Variants in GATA3 observed in about 807,000 individuals in gnomAD.
GATA3 encodes trans-acting T-cell-specific transcription factor GATA-3.
GATA3 carries 6 observed loss-of-function variants against 36.0 expected under a neutral mutation model. The ratio of observed to expected loss-of-function variants is 0.17; its 90% CI spans 0.09 to 0.33. The LOEUF is 0.33. GATA3 is among the 10% of genes least tolerant of loss of function. The probability of loss-of-function intolerance (pLI) is 1.00; values close to 1 mark genes in which losing one functional copy is unlikely to be tolerated. For synonymous variants in GATA3, 326 were observed against 273.0 expected (o/e 1.19, Z -1.92); for missense variants, 514 against 610.1 (o/e 0.84, Z 1.66).
At chr10:8,052,523 G>C (rs1832523284), upstream of GATA3, 2 of 152,252 alleles carry the variant, frequency 1.3e-5, no homozygotes, top group Non-Finnish European at 2.9e-5. Context: ...TCCGCGCGCA[G>C]AACCCATGGC....
At chr10:8,049,052 G>A (rs975385276), upstream of GATA3, among the ~76,000 whole-genome samples, 35 of 151,350 alleles carry the variant, frequency 2.3e-4, no homozygotes, top group Non-Finnish European at 4.7e-4. Flanking sequence ...TTCCTTCCGA[G>A]TTTTAAACGG....
chr10:8,050,966 G>T (rs369916466), upstream of GATA3: 2,674 of 482,634 alleles, frequency 5.5e-3, 16 homozygotes, highest in Non-Finnish European at 7.9e-3. Flanking sequence ...CGCGGAGCTC[G>T]CCTGGAAGCG....
chr10:8,065,980 A>AAGAG (rs1212543564), intron 4 of GATA3, among the ~76,000 whole-genome samples: 3 of 104,264 alleles, frequency 2.9e-5, no homozygotes, highest in African/African-American at 1.0e-4. Context: ...AAAAAAAAAA[A>AAGAG]AGAGAGAGAG....
intron 3 of GATA3, among the ~76,000 whole-genome samples, chr10:8,061,089 C>CTCTCTCTCTCTCTCTCTTT (rs754738004): frequency 6.9e-6 from 1 of 145,734 alleles, no homozygotes; most frequent in African/African-American, 2.6e-5. Flanking sequence ...CTCTCTCTCT[C>CTCTCTCTCTCTCTCTCTTT]TTTTTTACCC....
intron 1 of GATA3, among the ~76,000 whole-genome samples, chr10:8,047,863 G>T (rs1406334293): frequency 1.3e-5 from 2 of 152,158 alleles, no homozygotes; most frequent in Non-Finnish European, 2.9e-5. Flanking sequence ...AGAAGGGTGC[G>T]CATGCCAAAC....
chr10:8,055,549 C>G lies in GATA3; in HGVS notation c.-107C>G. The stretch of plus-strand genomic sequence containing the variant: ...CACCGAAAGCAAATCATTCAACGAC[C>G]CCCGACCCTCCGACGGCAGGAGCCC... On this transcript the variant is annotated 5_prime_UTR_variant, in exon 2 of 6. Transcript: ENST00000379328. The surrounding 1 kb of genome is among the most constrained non-coding windows in gnomAD (Gnocchi z 5.4). 1 of 1,304,296 alleles carries G rather than the reference C, an allele frequency of 7.7e-7. No homozygotes were observed. The highest frequency in any genetic ancestry group is 1.0e-6 in the Non-Finnish European group (1 of 953,014). 80.8% of individuals were successfully genotyped at this position (1,304,296 alleles called of 1,614,324 possible).
intron 3 of GATA3, among the ~76,000 whole-genome samples, chr10:8,063,046 C>T (rs1385949215): frequency 6.6e-6 from 1 of 152,224 alleles, no homozygotes; most frequent in Non-Finnish European, 1.5e-5. Flanking sequence ...GAATGCTGCT[C>T]AGACTTCCTA....
In GATA3 at chr10:8,074,197, T is replaced by C; in HGVS notation, c.*174T>C. Reference sequence around the variant, plus strand: ...AAGGAGCTCACTGTGGTGTCTGTGTTCCAACCACTGAATCTGGACCCCATC... The same window carrying C: ...AAGGAGCTCACTGTGGTGTCTGTGTCCCAACCACTGAATCTGGACCCCATC... On this transcript the variant is annotated 3_prime_UTR_variant, in exon 6 of 6. Transcript: ENST00000379328. The C allele has an allele frequency of 1.5e-6, 1 of 683,916 alleles. No individual in the cohort carries two copies. The highest frequency in any genetic ancestry group is 2.7e-5 in the East Asian group (1 of 36,638). 42.4% of individuals were successfully genotyped at this position (683,916 alleles called of 1,614,324 possible).
rs1272034262 is a variant in GATA3, at chr10:8,055,578, G to A, written c.-78G>A. The stretch of plus-strand genomic sequence containing the variant: ...GACCCTCCGACGGCAGGAGCCCCCC[G>A]ACCTCCCAGGCGGACCGCCCTCCCT... On this transcript the variant is annotated 5_prime_UTR_variant, in exon 2 of 6. Coordinates refer to ENST00000379328, the MANE Select transcript of GATA3 (RefSeq NM_001002295.2). This position sits in a 1 kb window ranked among gnomAD's most constrained non-coding sequence, Gnocchi z 5.4. 1.3e-6 allele frequency: 2 copies of A among 1,493,746 alleles called. No individual in the cohort carries two copies. Among genetic ancestry groups the A allele is most frequent in the Non-Finnish European group, 8.9e-7 (1 of 1,125,194 alleles). The allele number at this position is 1,493,746 out of a possible 1,614,324, so 92.5% of individuals were successfully genotyped here. A position where few individuals can be genotyped will look rare whatever the true frequency, so the allele number is the denominator to read the frequency against.
At chr10:8,046,858 C>A (rs1564392281) in intron 1 of GATA3, among the ~76,000 whole-genome samples, 1 of 152,016 alleles carries the variant, frequency 6.6e-6, no homozygotes, top group Non-Finnish European at 1.5e-5. Flanking sequence ...AAGCAGGAGG[C>A]CCTGCTTGCA....
chr10:8,055,562 A>G lies in GATA3; in HGVS notation c.-94A>G, dbSNP rs1832614922. 19 of 1,262,950 alleles carry G rather than the reference A, an allele frequency of 1.5e-5. No homozygotes were observed. Among genetic ancestry groups the G allele is most frequent in the Non-Finnish European group, 2.0e-5 (19 of 960,532 alleles). The allele number at this position is 1,262,950 out of a possible 1,614,324, so 78.2% of individuals were successfully genotyped here. The stretch of plus-strand genomic sequence containing the variant: ...TCATTCAACGACCCCCGACCCTCCG[A>G]CGGCAGGAGCCCCCCGACCTCCCAG... On this transcript the variant is annotated 5_prime_UTR_variant, in exon 2 of 6. Transcript: ENST00000379328. The surrounding 1 kb of genome is among the most constrained non-coding windows in gnomAD (Gnocchi z 5.4).
upstream of GATA3, chr10:8,051,244 C>A (rs923921058): frequency 4.5e-5 from 18 of 398,088 alleles, no homozygotes; most frequent in Non-Finnish European, 5.8e-5. Context: ...GGCTCCATTT[C>A]TCACCTTTTT....
At chr10:8,060,101 G>GT (rs1302976946) in intron 3 of GATA3, among the ~76,000 whole-genome samples, 6 of 152,258 alleles carry the variant, frequency 3.9e-5, no homozygotes, top group South Asian at 4.1e-4. Context: ...AGTTTTCAGG[G>GT]TTTTTTTCCA....
At chr10:8,061,750 ACCCT>A (rs1400346190) in intron 3 of GATA3, among the ~76,000 whole-genome samples, 1 of 152,068 alleles carries the variant, frequency 6.6e-6, no homozygotes, top group African/African-American at 2.4e-5. Context: ...GGAAGCTATC[ACCCT>A]CCCCACCACC....
chr10:8,074,532 A>C lies in GATA3; in HGVS notation c.*509A>C. 1 of 234,568 alleles carries C rather than the reference A, an allele frequency of 4.3e-6. No homozygotes were observed. The highest frequency in any genetic ancestry group is 6.0e-5 in the East Asian group (1 of 16,624). 14.5% of individuals were successfully genotyped at this position (234,568 alleles called of 1,614,324 possible). On this transcript the variant is annotated 3_prime_UTR_variant, in exon 6 of 6. Transcript: ENST00000379328. Reference sequence around the variant, plus strand: ...AAAAAAAAGAAAAAAGAGAAAAGAAAAAAAAAGAAAAAAGTTGTAGGCGAA... The same window carrying C: ...AAAAAAAAGAAAAAAGAGAAAAGAACAAAAAAGAAAAAAGTTGTAGGCGAA...
At chr10:8,067,856 ACAAAAAAC>A (rs1182691895) in intron 4 of GATA3, among the ~76,000 whole-genome samples, 1 of 151,790 alleles carries the variant, frequency 6.6e-6, no homozygotes, top group African/African-American at 2.4e-5. Context: ...AAAACAAAAA[ACAAAAAAC>A]AAAACTGTAC....
intron 1 of GATA3, among the ~76,000 whole-genome samples, chr10:8,047,669 C>A (rs1346414997): frequency 6.6e-6 from 1 of 152,212 alleles, no homozygotes; most frequent in African/African-American, 2.4e-5. Context: ...CGGCTGAGGT[C>A]CACCGGGTAT....
In GATA3 at chr10:8,055,946, C is replaced by T. The variant is rs997332766; in HGVS notation, c.241+50C>T. The T allele has an allele frequency of 9.0e-6, 14 of 1,549,210 alleles. No homozygotes were observed. The highest frequency in any genetic ancestry group is 1.1e-5 in the Non-Finnish European group (13 of 1,146,078). ...CTCCCGCCGGCCGCTTCAGCCGTCC[C>T]GGCTCGGGGAGGTCGGGAGGGACCT... On this transcript the variant is annotated intron_variant, in intron 2 of 5. Transcript: ENST00000379328. The surrounding 1 kb of genome is among the most constrained non-coding windows in gnomAD (Gnocchi z 5.4).
At chr10:8,051,363 G>A (rs1832488553), upstream of GATA3, 3 of 282,508 alleles carry the variant, frequency 1.1e-5, no homozygotes, top group South Asian at 9.7e-5. Context: ...ACGCCGCCCC[G>A]GGCCCCGGCT....
Sources: allele counts gnomAD v4.1 joint callset (sites outside exome capture counted in the v4.1 genomes callset), GRCh38; gene constraint gnomAD v4.1.1; non-coding constraint Gnocchi (gnomAD v3.1); transcripts MANE v1.5; gene names NCBI Gene and HGNC (gene_info 2026-07-23, HGNC 2026-07-21).